Variants in PCCA observed in about 807,000 individuals in gnomAD.
PCCA encodes the protein propionyl-CoA carboxylase subunit alpha.
A neutral mutation model predicts 101.3 loss-of-function variants in PCCA; 74 were observed. That is an observed-to-expected ratio of 0.73 (90% CI 0.61 to 0.89). PCCA has a LOEUF of 0.89. Among genes scored for constraint, PCCA ranks in the 40% least tolerant of loss-of-function variants. The pLI is 0.00. For synonymous variants in PCCA, 294 were observed against 313.6 expected, an observed-to-expected ratio of 0.94 and a Z score of 0.66; for missense variants, 891 against 907.0, an observed-to-expected ratio of 0.98 and a Z score of 0.23.
chr13:100,300,273 A>G lies in PCCA; in HGVS notation c.1066-1187A>G, dbSNP rs780155708. ...TAAAATTATGTCAAAATGTCTTAAAATGTTGTTGAAACTGTAAGCAAACTC... is the reference window on the plus strand; with the variant it reads ...TAAAATTATGTCAAAATGTCTTAAAGTGTTGTTGAAACTGTAAGCAAACTC... On this transcript the variant is annotated intron_variant, in intron 12 of 23. Coordinates refer to ENST00000376285, the MANE Select transcript of PCCA (RefSeq NM_000282.4). Among the ~76,000 whole-genome samples the G allele has an allele frequency of 6.6e-5, 10 of 152,224 alleles. No individual in the cohort carries two copies. The South Asian group carries it at 1.4e-3, about 22-fold the overall frequency.
chr13:100,164,353 T>C (rs947005817), intron 6 of PCCA, among the ~76,000 whole-genome samples: 1 of 152,170 alleles, frequency 6.6e-6, no homozygotes, highest in Non-Finnish European at 1.5e-5. Context: ...GCTGGCAGGC[T>C]CGGATAGGAG....
intron 18 of PCCA, among the ~76,000 whole-genome samples, chr13:100,352,493 C>T (rs1447617219): frequency 6.7e-6 from 1 of 150,082 alleles, no homozygotes; most frequent in African/African-American, 2.5e-5. Flanking sequence ...CTCCTGGGCT[C>T]AGGTGATTCT....
intron 7 of PCCA, among the ~76,000 whole-genome samples, chr13:100,224,794 T>A (rs527862970): frequency 4.6e-5 from 7 of 152,274 alleles, no homozygotes; most frequent in Admixed American, 3.3e-4. Context: ...AAAGTGAGAT[T>A]GATGATGGAC....
chr13:100,461,373 A>G (rs1198944471), intron 21 of PCCA, among the ~76,000 whole-genome samples: 24 of 152,250 alleles, frequency 1.6e-4, no homozygotes, highest in Non-Finnish European at 3.5e-4. Flanking sequence ...ACTTACAGAT[A>G]TCAAATTTTA....
intron 19 of PCCA, among the ~76,000 whole-genome samples, chr13:100,410,044 G>A (rs781721562): frequency 6.6e-6 from 1 of 152,078 alleles, no homozygotes; most frequent in Admixed American, 6.6e-5. Context: ...ACAGGCGTGA[G>A]CAACCATGCC....
chr13:100,465,225 T>C (rs777498156), intron 21 of PCCA, among the ~76,000 whole-genome samples: 8 of 152,110 alleles, frequency 5.3e-5, no homozygotes, highest in Admixed American at 1.3e-4. Flanking sequence ...AGGACTAGAA[T>C]TTGCAATATA....
At chr13:100,509,564 T>C (rs1450445385) in intron 21 of PCCA, among the ~76,000 whole-genome samples, 1 of 152,258 alleles carries the variant, frequency 6.6e-6, no homozygotes, top group Non-Finnish European at 1.5e-5. Flanking sequence ...TCAGAGATTT[T>C]AAAACGGAAG....
intron 4 of PCCA, among the ~76,000 whole-genome samples, chr13:100,152,547 C>T (rs377529342): frequency 6.6e-6 from 1 of 151,902 alleles, no homozygotes; most frequent in Non-Finnish European, 1.5e-5. Flanking sequence ...CCCGGGTTCA[C>T]GCCATTCTCC....
intron 22 of PCCA, among the ~76,000 whole-genome samples, chr13:100,517,580 T>G (rs1377603706): frequency 6.6e-6 from 1 of 152,176 alleles, no homozygotes; most frequent in Non-Finnish European, 1.5e-5. Context: ...TGCATTCCTT[T>G]AAATTCAGAG....
chr13:100,182,950 C>A lies in PCCA; in HGVS notation c.468+25610C>A, dbSNP rs145503992. On this transcript the variant is annotated intron_variant, in intron 6 of 23. Coordinates refer to ENST00000376285, the MANE Select transcript of PCCA (RefSeq NM_000282.4). Reference sequence around the variant, plus strand: ...TGGGAAAAGGGCAGTTCAGGAAAATCAGACTAACTCTGCCACCAAATGTCT... The same window carrying A: ...TGGGAAAAGGGCAGTTCAGGAAAATAAGACTAACTCTGCCACCAAATGTCT... 1.1e-3 allele frequency among the ~76,000 whole-genome samples: 174 copies of A among 152,244 alleles called. 1 individual carries two copies. The highest frequency in any genetic ancestry group is 4.0e-3 in the African/African-American group (167 of 41,540).
chr13:100,364,208 C>T (rs978942618), intron 18 of PCCA, among the ~76,000 whole-genome samples: 7 of 152,118 alleles, frequency 4.6e-5, no homozygotes, highest in African/African-American at 2.4e-5. Context: ...AAATGTACTT[C>T]GTTAAAGGAA....
At chr13:100,444,291 AC>A (rs2080603537) in intron 20 of PCCA, among the ~76,000 whole-genome samples, 1 of 138,608 alleles carries the variant, frequency 7.2e-6, no homozygotes, top group Non-Finnish European at 1.5e-5. Context: ...TGCAACCTCC[AC>A]CTCCCAGGTT....
intron 12 of PCCA, among the ~76,000 whole-genome samples, chr13:100,294,829 T>A (rs1218797868): frequency 6.6e-6 from 1 of 152,154 alleles, no homozygotes; most frequent in African/African-American, 2.4e-5. Context: ...GAAGAGCACA[T>A]CTGTATATAA....
At chr13:100,272,049 CCTTT>C (rs1356293021) in intron 11 of PCCA, among the ~76,000 whole-genome samples, 1 of 152,136 alleles carries the variant, frequency 6.6e-6, no homozygotes, top group African/African-American at 2.4e-5. Context: ...TTTCTCAGAG[CCTTT>C]CTTTCATAGA....
At chr13:100,280,009 T>A (rs532557853) in intron 12 of PCCA, among the ~76,000 whole-genome samples, 43 of 44,642 alleles carry the variant, frequency 9.6e-4, no homozygotes, top group African/African-American at 1.9e-3. Flanking sequence ...TGTTTTTGTT[T>A]TTGTTTTTTT....
At chr13:100,433,503 G>GTT (rs796101301) in intron 20 of PCCA, among the ~76,000 whole-genome samples, 3 of 146,260 alleles carry the variant, frequency 2.1e-5, no homozygotes, top group Non-Finnish European at 4.5e-5. Context: ...TCTTAGAGCT[G>GTT]TTTTTTTTTT....
chr13:100,407,805 C>T (rs1416909775), intron 19 of PCCA, among the ~76,000 whole-genome samples: 2 of 152,130 alleles, frequency 1.3e-5, no homozygotes, highest in Admixed American at 6.5e-5. Context: ...AATCTATTTC[C>T]AGTAGTCTTA....
intron 6 of PCCA, among the ~76,000 whole-genome samples, chr13:100,203,275 A>G (rs1417659266): frequency 3.4e-5 from 5 of 145,184 alleles, no homozygotes; most frequent in Non-Finnish European, 7.7e-5. Flanking sequence ...CTCCGTCTCA[A>G]AAAAAAAAAA....
intron 19 of PCCA, among the ~76,000 whole-genome samples, chr13:100,412,345 C>T (rs2078105916): frequency 6.6e-6 from 1 of 152,126 alleles, no homozygotes; most frequent in Non-Finnish European, 1.5e-5. Flanking sequence ...TTCTTTACTG[C>T]TCAGAAATGT....
Sources: gnomAD v4.1 joint callset for allele counts (sites outside exome capture counted in the v4.1 genomes callset) on GRCh38, gnomAD v4.1.1 for gene constraint, MANE v1.5 for transcripts, NCBI Gene and HGNC (gene_info 2026-07-23, HGNC 2026-07-21) for gene names.